The following RIC1 variants were observed in gnomAD, a reference collection of about 807,000 sequenced individuals.
The protein encoded by RIC1 is guanine nucleotide exchange factor subunit RIC1.
In RIC1, 88 loss-of-function variants were observed where a neutral mutation model predicts 169.0. That is an observed-to-expected ratio of 0.52 (90% CI 0.44 to 0.62). The LOEUF is 0.62. Ranked by LOEUF, RIC1 falls within the 20% of genes least tolerant of loss-of-function variation. RIC1 has a pLI of 0.00. For missense variants in RIC1, 1,877 were observed against 1,725.5 expected, an observed-to-expected ratio of 1.09 and a Z score of -1.56; for synonymous variants, 790 against 601.5, an observed-to-expected ratio of 1.31 and a Z score of -4.59.
intron 14 of RIC1, 25 bp downstream of exon 14, chr9:5,753,671 C>T (rs1433124851): frequency 1.6e-6 from 2 of 1,217,222 alleles, no homozygotes; most frequent in African/African-American, 1.5e-5. Context: ...AGATTAAAAA[C>T]CTATTTCTCA....
At chr9:5,633,059 A>G (rs942756111) in intron 1 of RIC1, among the ~76,000 whole-genome samples, 4 of 152,234 alleles carry the variant, frequency 2.6e-5, no homozygotes, top group African/African-American at 4.8e-5. Flanking sequence ...CTTGTGAGAT[A>G]TCACTGTTGT....
rs1827566431 is a variant in RIC1 at position 5,776,077 on chromosome 9, C to G, written c.*1831C>G. 6.6e-6 allele frequency: 1 copy of G among 152,100 alleles called. No individual in the cohort carries two copies. Among genetic ancestry groups the G allele is most frequent in the South Asian group, 2.1e-4 (1 of 4,830 alleles). The allele number at this position is 152,100 out of a possible 1,614,324, so 9.4% of individuals were successfully genotyped here. On this transcript the variant is annotated 3_prime_UTR_variant, in exon 26 of 26. Transcript: ENST00000414202. ...CCATTATAAAGAGCTGTGATCTTTT[C>G]AAGTATCTGAAATAAAACACTGTGC...
intron 15 of RIC1, among the ~76,000 whole-genome samples, chr9:5,755,293 C>T (rs765546185): frequency 2.0e-5 from 3 of 152,176 alleles, no homozygotes; most frequent in Non-Finnish European, 4.4e-5. Flanking sequence ...ATGGGGGATA[C>T]ATTCCAAGAC....
downstream of RIC1, among the ~76,000 whole-genome samples, chr9:5,777,136 A>C: frequency 6.6e-6 from 1 of 152,136 alleles, no homozygotes; most frequent in Admixed American, 6.5e-5. Flanking sequence ...TCGTAGGATT[A>C]TTAGCCATTT....
intron 9 of RIC1, 108 bp downstream of exon 9, chr9:5,743,121 T>A: frequency 2.1e-6 from 2 of 958,078 alleles, no homozygotes; most frequent in Non-Finnish European, 3.1e-6. Flanking sequence ...GACTCTTACC[T>A]TAAAACAATT....
chr9:5,675,017 A>C (rs530088093), intron 2 of RIC1, among the ~76,000 whole-genome samples: 4 of 152,224 alleles, frequency 2.6e-5, no homozygotes, highest in Non-Finnish European at 5.9e-5. Flanking sequence ...TCAGCAAGGC[A>C]GTGTACTTCT....
rs1290065113 is a variant in RIC1, at chr9:5,775,954, CTA to C, written c.*1709_*1710del. The C allele has an allele frequency of 2.0e-5, 3 of 152,232 alleles. No individual in the cohort carries two copies. In the East Asian group the frequency reaches 5.8e-4, roughly 29 times the overall value. 9.4% of individuals were successfully genotyped at this position (152,232 alleles called of 1,614,324 possible). On this transcript the variant is annotated 3_prime_UTR_variant, in exon 26 of 26. Coordinates refer to ENST00000414202, the MANE Select transcript of RIC1 (RefSeq NM_020829.4). ...TGAGTACATGCAGCCCAGCAAGAAA[CTA>C]AACTGAACTCTCTTCTCCTATCCTA...
At chr9:5,629,903 C>T (rs1177938018) in intron 1 of RIC1, among the ~76,000 whole-genome samples, 1 of 152,226 alleles carries the variant, frequency 6.6e-6, no homozygotes, top group Admixed American at 6.5e-5. Context: ...CTTTACCCAG[C>T]GCCAGACTTT....
At chr9:5,723,209 C>G (rs1373631008) in intron 6 of RIC1, among the ~76,000 whole-genome samples, 1 of 152,220 alleles carries the variant, frequency 6.6e-6, no homozygotes, top group Non-Finnish European at 1.5e-5. Flanking sequence ...CACATCCTCT[C>G]CAGGACCTAT....
rs552754653 is a variant in RIC1 at position 5,653,849 on chromosome 9, G to C, written c.145-2734G>C. Among the ~76,000 whole-genome samples, 3 of 152,090 alleles carry C rather than the reference G, an allele frequency of 2.0e-5. No homozygotes were observed. The East Asian group carries it at 5.8e-4, about 29-fold the overall frequency. On this transcript the variant is annotated intron_variant, in intron 1 of 25. Transcript: ENST00000414202. Reference sequence around the variant, plus strand: ...TTGACCTGGTGATCTGCCTGCCTCAGCCTCCCAAAGTGCTGGGATTACAGG... The same window carrying C: ...TTGACCTGGTGATCTGCCTGCCTCACCCTCCCAAAGTGCTGGGATTACAGG...
chr9:5,633,645 G>T (rs1817828897), intron 1 of RIC1, among the ~76,000 whole-genome samples: 1 of 152,096 alleles, frequency 6.6e-6, no homozygotes, highest in South Asian at 2.1e-4. Flanking sequence ...GCGATACTTA[G>T]ATCTACCCTG....
intron 2 of RIC1, among the ~76,000 whole-genome samples, chr9:5,684,275 C>T (rs931037901): frequency 5.8e-4 from 1 of 1,738 alleles, no homozygotes; most frequent in Non-Finnish European, 5.6e-3. Context: ...CTTGGCTCCA[C>T]CCCCCCCCCC....
chr9:5,772,821 T>A, intron 24 of RIC1, 71 bp from the exon 25 acceptor site: 4 of 1,550,722 alleles, frequency 2.6e-6, no homozygotes, highest in Non-Finnish European at 3.5e-6. Context: ...ACTCTCCTAA[T>A]AATCATTGCA....
intron 1 of RIC1, among the ~76,000 whole-genome samples, chr9:5,635,357 T>C (rs1053346162): frequency 2.6e-5 from 4 of 152,134 alleles, no homozygotes; most frequent in Non-Finnish European, 4.4e-5. Context: ...CTTGAGTTGA[T>C]AGTGTAAGAT....
At chr9:5,641,567 C>T (rs1818249137) in intron 1 of RIC1, among the ~76,000 whole-genome samples, 1 of 151,982 alleles carries the variant, frequency 6.6e-6, no homozygotes, top group African/African-American at 2.4e-5. Context: ...TATATTTGCC[C>T]TTTTCATGCT....
At chr9:5,660,811 C>T (rs527756134) in intron 2 of RIC1, among the ~76,000 whole-genome samples, 32 of 152,226 alleles carry the variant, frequency 2.1e-4, no homozygotes, top group African/African-American at 6.5e-4. Flanking sequence ...TATCTGCTCA[C>T]TCCAATGATA....
intron 3 of RIC1, among the ~76,000 whole-genome samples, chr9:5,699,446 T>G (rs1039397373): frequency 5.3e-5 from 8 of 152,288 alleles, no homozygotes; most frequent in Non-Finnish European, 8.8e-5. Flanking sequence ...GGTAAATGTT[T>G]TTATTCATCT....
chr9:5,660,521 T>A (rs955107463), intron 2 of RIC1, among the ~76,000 whole-genome samples: 10 of 152,174 alleles, frequency 6.6e-5, no homozygotes, highest in African/African-American at 2.4e-4. Context: ...CCTGTTGTTT[T>A]TTGACTTTTT....
intron 6 of RIC1, among the ~76,000 whole-genome samples, chr9:5,731,510 T>C (rs1295780283): frequency 2.0e-5 from 3 of 152,156 alleles, no homozygotes; most frequent in Non-Finnish European, 1.5e-5. Flanking sequence ...ATTAGGATCA[T>C]CCAAAAATAA....
Sources: gnomAD v4.1 joint callset for allele counts (sites outside exome capture counted in the v4.1 genomes callset) on GRCh38, gnomAD v4.1.1 for gene constraint, MANE v1.5 for transcripts, NCBI Gene and HGNC (gene_info 2026-07-23, HGNC 2026-07-21) for gene names.